DCLK1: variants seen among roughly 807,000 people sequenced by gnomAD.
The protein encoded by DCLK1 is serine/threonine-protein kinase DCLK1.
Under a neutral mutation model 86.2 loss-of-function variants are expected in DCLK1, and 16 were observed. That is an observed-to-expected ratio of 0.19 (90% CI 0.13 to 0.28). DCLK1 has a LOEUF of 0.28. DCLK1 is among the 10% of genes least tolerant of loss of function. The pLI is 1.00. For missense variants in DCLK1, 590 were observed against 940.2 expected, an observed-to-expected ratio of 0.63 and a Z score of 4.87; for synonymous variants, 369 against 370.5, an observed-to-expected ratio of 1.00 and a Z score of 0.05.
chr13:35,977,957 G>A (rs766797282), intron 3 of DCLK1, among the ~76,000 whole-genome samples: 3 of 152,110 alleles, frequency 2.0e-5, no homozygotes, highest in Non-Finnish European at 2.9e-5. Context: ...TTGTCAACAA[G>A]AGCTCTGTGA....
intron 6 of DCLK1, among the ~76,000 whole-genome samples, chr13:35,853,802 C>A (rs1481595903): frequency 6.6e-6 from 1 of 152,114 alleles, no homozygotes; most frequent in Non-Finnish European, 1.5e-5. Context: ...CCCTTTGCCC[C>A]CTTCCCACTA....
intron 3 of DCLK1, among the ~76,000 whole-genome samples, chr13:36,103,653 A>C (rs1885298445): frequency 6.6e-6 from 1 of 152,198 alleles, no homozygotes; most frequent in African/African-American, 2.4e-5. Context: ...GGATTTTTAA[A>C]GTTCCATTTA....
At position 35,836,134 on chromosome 13, in the gene DCLK1, C is replaced by T. The variant is rs888483880; in HGVS notation, c.1128G>A (p.Ser376=). Residue 376 remains serine, a synonymous_variant, in exon 8 of 17, where the codon TCG becomes TCA. Transcript: ENST00000360631. ...DENDGPGEEV[S]EEGFQIPATI... is the part of the protein sequence containing the mutation. Reference sequence around the variant, plus strand: ...TAGCTGGAATCTGGAAGCCTTCCTCCGACACTTCTGAAAGAATCATTAATA... The same window carrying T: ...TAGCTGGAATCTGGAAGCCTTCCTCTGACACTTCTGAAAGAATCATTAATA... The T allele has an allele frequency of 8.1e-6, 13 of 1,610,790 alleles. No homozygotes were observed. Among genetic ancestry groups the T allele is most frequent in the African/African-American group, 8.0e-5 (6 of 74,764 alleles).
intron 16 of DCLK1, among the ~76,000 whole-genome samples, chr13:35,787,084 A>T (rs548979960): frequency 6.7e-6 from 1 of 150,350 alleles, no homozygotes; most frequent in African/African-American, 2.4e-5. Flanking sequence ...ATATATATAT[A>T]TTATATATAT....
intron 3 of DCLK1, among the ~76,000 whole-genome samples, chr13:36,054,223 C>T (rs2153157759): frequency 6.6e-6 from 1 of 152,218 alleles, no homozygotes; most frequent in East Asian, 1.9e-4. Context: ...CTTGGAATTT[C>T]TCAGCAGTGA....
chr13:36,074,839 G>A (rs1182741123), intron 3 of DCLK1, among the ~76,000 whole-genome samples: 2 of 152,202 alleles, frequency 1.3e-5, no homozygotes, highest in African/African-American at 2.4e-5. Context: ...CTTATGCTTT[G>A]TGCAGCCAAG....
chr13:35,920,790 T>C (rs1427769303), intron 4 of DCLK1, among the ~76,000 whole-genome samples: 1 of 152,048 alleles, frequency 6.6e-6, no homozygotes, highest in Non-Finnish European at 1.5e-5. Context: ...GCATCCCCCA[T>C]ACATACACAG....
In DCLK1 at chr13:36,126,193, G is replaced by A; in HGVS notation, c.-19-37C>T. 6.7e-6 allele frequency: 10 copies of A among 1,493,520 alleles called. No homozygotes were observed. In the South Asian group the frequency reaches 1.3e-4, roughly 20 times the overall value. 92.5% of individuals were successfully genotyped at this position (1,493,520 alleles called of 1,614,324 possible). On this transcript the variant is annotated intron_variant, in intron 1 of 16. Coordinates refer to ENST00000360631, the MANE Select transcript of DCLK1 (RefSeq NM_001330071.2). ...AGAAACAAAAGCAGACACACATATT[G>A]ATGTAGGTTATATATATATATATAT...
chr13:36,024,094 C>G (rs1881925557), intron 3 of DCLK1, among the ~76,000 whole-genome samples: 1 of 151,558 alleles, frequency 6.6e-6, no homozygotes, highest in South Asian at 2.1e-4. Flanking sequence ...CGGGGTTTCA[C>G]CATGTTGGCA....
intron 3 of DCLK1, among the ~76,000 whole-genome samples, chr13:36,087,140 T>A (rs995310263): frequency 6.6e-6 from 1 of 152,232 alleles, no homozygotes; most frequent in African/African-American, 2.4e-5. Flanking sequence ...GTTTCCTGAC[T>A]TTTTAATGAT....
chr13:36,098,192 C>T (rs544104307), intron 3 of DCLK1, among the ~76,000 whole-genome samples: 3 of 152,212 alleles, frequency 2.0e-5, no homozygotes, highest in Non-Finnish European at 4.4e-5. Context: ...CAAAGCCTCA[C>T]CCCCAGGGAC....
At chr13:35,894,944 C>T (rs1390588481) in intron 4 of DCLK1, among the ~76,000 whole-genome samples, 1 of 152,158 alleles carries the variant, frequency 6.6e-6, no homozygotes, top group African/African-American at 2.4e-5. Flanking sequence ...GACTTTGATG[C>T]ACACTTTCCT....
chr13:35,827,335 G>A (rs936471101), intron 10 of DCLK1, among the ~76,000 whole-genome samples: 1 of 152,122 alleles, frequency 6.6e-6, no homozygotes, highest in Non-Finnish European at 1.5e-5. Flanking sequence ...CACACAAACT[G>A]GTGGAAGCCA....
chr13:35,958,292 AACCACTATAATAAACACCACTACC>A (rs1878246115), intron 3 of DCLK1, among the ~76,000 whole-genome samples: 1 of 458 alleles, frequency 2.2e-3, no homozygotes, highest in Non-Finnish European at 6.8e-3. Context: ...CTGCCACTAT[AACCACTATAATAAACACCACTACC>A]ACCACCACCA....
At chr13:35,820,955 A>G (rs186562146) in intron 11 of DCLK1, among the ~76,000 whole-genome samples, 1 of 152,220 alleles carries the variant, frequency 6.6e-6, no homozygotes, top group Admixed American at 6.5e-5. Context: ...TTCAGCGTCA[A>G]CTTCATGAAG....
At chr13:35,914,030 T>C (rs1040267129) in intron 4 of DCLK1, among the ~76,000 whole-genome samples, 1 of 152,030 alleles carries the variant, frequency 6.6e-6, no homozygotes, top group Admixed American at 6.6e-5. Flanking sequence ...TAAAAAGATA[T>C]ATTAGGGCTG....
chr13:35,964,866 A>G (rs9531273), intron 3 of DCLK1, among the ~76,000 whole-genome samples: 70,728 of 151,786 alleles, frequency 0.47, 18,103 homozygotes, highest in Non-Finnish European at 0.56. Flanking sequence ...GTGCCCATGA[A>G]TAAAGTCTTA....
intron 4 of DCLK1, among the ~76,000 whole-genome samples, chr13:35,944,119 G>A (rs1877238565): frequency 6.6e-6 from 1 of 152,186 alleles, no homozygotes. Context: ...GCTCCAATGT[G>A]GCCCCATGAA....
At chr13:36,069,380 C>T (rs146373746) in intron 3 of DCLK1, among the ~76,000 whole-genome samples, 2,704 of 152,104 alleles carry the variant, frequency 0.018, 45 homozygotes, top group Non-Finnish European at 0.026. Flanking sequence ...GTGAAAAAAC[C>T]AAGAATACAC....
Sources: gnomAD v4.1 joint callset for allele counts (sites outside exome capture counted in the v4.1 genomes callset) on GRCh38, gnomAD v4.1.1 for gene constraint, MANE v1.5 for transcripts, NCBI Gene and HGNC (gene_info 2026-07-23, HGNC 2026-07-21) for gene names.